The following INO80D variants were observed in gnomAD, a reference collection of about 807,000 sequenced individuals.
The protein encoded by INO80D is INO80 complex subunit D.
INO80D carries 21 observed loss-of-function variants against 87.6 expected under a neutral mutation model. The ratio of observed to expected loss-of-function variants is 0.24; its 90% CI spans 0.17 to 0.35. INO80D has a LOEUF of 0.35. Ranked by LOEUF, INO80D falls within the 10% of genes least tolerant of loss-of-function variation. INO80D has a pLI of 1.00. For missense variants in INO80D, 982 were observed against 1,280.7 expected (o/e 0.77, Z 3.56); for synonymous variants, 440 against 491.0 (o/e 0.90, Z 1.37).
In INO80D at chr2:206,040,279, C is replaced by T. The variant is rs187382503; in HGVS notation, c.1073+6225G>A. Among the ~76,000 whole-genome samples the T allele has an allele frequency of 7.3e-3, 868 of 119,136 alleles. 12 individuals carry two copies. Among genetic ancestry groups the T allele is most frequent in the African/African-American group, 0.026 (823 of 31,688 alleles). 78.2% of individuals were successfully genotyped at this position (119,136 alleles called of 152,430 possible). ...CCAGCCTGGGTGACAGAGTGCGACT[C>T]TGTCTCAAAAAAAAAAAAAAAAAAA... On this transcript the variant is annotated intron_variant, in intron 5 of 10. Transcript: ENST00000403263.
rs1258859527 is a variant in INO80D at position 206,029,556 on chromosome 2, T to C, written c.1074-1221A>G. ...ACTATATATTCTCTTACTAATCTTCTACTATTCATTGCTGGGTTTCTCTTA... is the reference window on the plus strand; with the variant it reads ...ACTATATATTCTCTTACTAATCTTCCACTATTCATTGCTGGGTTTCTCTTA... On this transcript the variant is annotated intron_variant, in intron 5 of 10. Transcript: ENST00000403263. 2.6e-5 allele frequency among the ~76,000 whole-genome samples: 4 copies of C among 152,282 alleles called. No individual in the cohort carries two copies. In the South Asian group the frequency reaches 6.2e-4, roughly 24 times the overall value.
At position 206,017,765 on chromosome 2, in the gene INO80D, T is replaced by C. The variant is rs772466770; in HGVS notation, c.1457A>G (p.Lys486Arg). The C allele has an allele frequency of 8.7e-6, 14 of 1,613,644 alleles. No individual in the cohort carries two copies. In the South Asian group the frequency reaches 1.5e-4, roughly 18 times the overall value. The change falls in exon 8 of 11, where the codon AAG (lysine) becomes AGG (arginine). Residue 486 changes from lysine (K) to arginine (R), a missense_variant. Lys to Arg is a conservative substitution (Grantham distance 26, BLOSUM62 2). Coordinates refer to ENST00000403263, the MANE Select transcript of INO80D (RefSeq NM_017759.5). Reference sequence around the variant, plus strand: ...AGAGCACTGCTGTCCATCTGCAAACTTGGCTGTGCAACTTGAGAAGAGCTG... The same window carrying C: ...AGAGCACTGCTGTCCATCTGCAAACCTGGCTGTGCAACTTGAGAAGAGCTG... ...SQQLFSSCTA[K>R]FADGQQCSVP...
chr2:206,080,246 A>C (rs1020197101), intron 1 of INO80D, among the ~76,000 whole-genome samples: 3 of 152,182 alleles, frequency 2.0e-5, no homozygotes, highest in African/African-American at 7.2e-5. Flanking sequence ...CAGGACTCTA[A>C]AGTGAGCCTA....
In INO80D at chr2:206,063,289, A is replaced by C. The variant is rs142847158; in HGVS notation, c.-123-45T>G. ...CCTAGTTAACAAACAGAAATAAGCA[A>C]AGCTAGCTCACCCAGGAAGCAAAAT... is the stretch of plus-strand genomic sequence containing the variant. On this transcript the variant is annotated intron_variant, in intron 1 of 10. Transcript: ENST00000403263. The C allele has an allele frequency of 6.4e-4, 336 of 523,886 alleles. 2 individuals are homozygous for C. Among genetic ancestry groups the C allele is most frequent in the African/African-American group, 4.9e-3 (246 of 50,056 alleles). The allele number at this position is 523,886 out of a possible 1,614,324, so 32.5% of individuals were successfully genotyped here.
chr2:206,010,254 G>A (rs189846223), intron 8 of INO80D, among the ~76,000 whole-genome samples: 111 of 151,270 alleles, frequency 7.3e-4, no homozygotes, highest in African/African-American at 2.5e-3. Context: ...CTGAAGAACC[G>A]ACCACAATTC....
In INO80D at chr2:206,083,302, A is replaced by G. The variant is rs567914788; in HGVS notation, c.-124+2599T>C. Among the ~76,000 whole-genome samples the G allele has an allele frequency of 5.9e-5, 9 of 152,320 alleles. No individual in the cohort carries two copies. The South Asian group carries it at 8.3e-4, about 14-fold the overall frequency. On this transcript the variant is annotated intron_variant, in intron 1 of 10. Transcript: ENST00000403263. The stretch of plus-strand genomic sequence containing the variant: ...TCAACAATATACCTTTAAAATATCA[A>G]ATTATAAGGCAATAACAATTTTTTT...
intron 4 of INO80D, among the ~76,000 whole-genome samples, chr2:206,055,572 T>G (rs1313773382): frequency 6.6e-6 from 1 of 152,222 alleles, no homozygotes; most frequent in African/African-American, 2.4e-5. Context: ...CATAAAAGCA[T>G]ACAACCAAAC....
chr2:206,055,875 G>A (rs72946437), intron 4 of INO80D, among the ~76,000 whole-genome samples: 29,805 of 152,092 alleles, frequency 0.2, 3,386 homozygotes, highest in Non-Finnish European at 0.27. Context: ...GGTATTATAC[G>A]TAATCTAGAG....
At position 206,005,017 on chromosome 2, in the gene INO80D, G is replaced by T. The variant is rs1336364798; in HGVS notation, c.2435C>A (p.Ser812Ter). 4 of 1,614,000 alleles carry T rather than the reference G, an allele frequency of 2.5e-6. No individual in the cohort carries two copies. The stretch of plus-strand genomic sequence containing the variant: ...GTGATCACTGCTGTATTGCTGTCGT[G>T]AGGTGATTAGGTCATCTGCCTTGCT... ...LLSKADDLITSRQQYSSDHSH... is the reference protein window; with the variant it reads ...LLSKADDLIT The change falls in exon 11 of 11, where the codon TCA becomes TAA. Residue 812 changes from serine to a stop codon, truncating the protein, a stop_gained. Coordinates refer to ENST00000403263, the MANE Select transcript of INO80D (RefSeq NM_017759.5). LOFTEE classifies it high-confidence loss of function.
At chr2:206,068,861 T>C (rs1418116105) in intron 1 of INO80D, among the ~76,000 whole-genome samples, 1 of 151,732 alleles carries the variant, frequency 6.6e-6, no homozygotes, top group East Asian at 1.9e-4. Context: ...CACTACACAG[T>C]GCTAATTTTC....
At chr2:206,026,540 C>T (rs745937653) in intron 6 of INO80D, among the ~76,000 whole-genome samples, 3 of 147,234 alleles carry the variant, frequency 2.0e-5, no homozygotes, top group Non-Finnish European at 4.5e-5. Flanking sequence ...GGCAAGGCTC[C>T]GTCTCAAAAA....
Position 206,046,515 on chromosome 2 carries a change from A to G in INO80D, c.1062T>C (p.Tyr354=). 1 of 1,603,466 alleles carries G rather than the reference A, an allele frequency of 6.2e-7. No individual in the cohort carries two copies. The highest frequency in any genetic ancestry group is 8.5e-7 in the Non-Finnish European group (1 of 1,170,596). The change falls in exon 5 of 11, where the codon TAT becomes TAC. Residue 354 remains tyrosine (Y), a synonymous_variant. Coordinates refer to ENST00000403263, the MANE Select transcript of INO80D (RefSeq NM_017759.5). ...AACAGAAGACTTACGCATGTCTTTG[A>G]TATCTGAGGGTTTCCCGGATGGACC... The part of the protein sequence containing the change: ...VAWSIRETLR[Y]QRHASDDDDA...
At chr2:206,040,292 A>AC in intron 5 of INO80D, 2 of 153,748 alleles carry the variant, frequency 1.3e-5, no homozygotes, top group Non-Finnish European at 2.9e-5. Context: ...TCTCAAAAAA[A>AC]AAAAAAAAAA....
rs150793991 is a variant in INO80D at position 206,046,590 on chromosome 2, G to A, written c.987C>T (p.Ser329=). 267 of 1,613,276 alleles carry A rather than the reference G, an allele frequency of 1.7e-4. No individual in the cohort carries two copies. In the African/African-American group the frequency reaches 2.7e-3, roughly 16 times the overall value. Residue 329 remains serine (S), a synonymous_variant, in exon 5 of 11, where the codon AGC becomes AGT. Coordinates refer to ENST00000403263, the MANE Select transcript of INO80D (RefSeq NM_017759.5). ...PHLGLDWSEE[S]GEEPEDSEQA... ...GCTCTGAGTCCTCTGGTTCCTCTCCGCTCTCTTCAGACCAGTCCAAACCTG... is the reference window on the plus strand; with the variant it reads ...GCTCTGAGTCCTCTGGTTCCTCTCCACTCTCTTCAGACCAGTCCAAACCTG...
At chr2:206,045,785 T>TA (rs767855237) in intron 5 of INO80D, among the ~76,000 whole-genome samples, 1 of 150,932 alleles carries the variant, frequency 6.6e-6, no homozygotes, top group Admixed American at 6.6e-5. Context: ...AGAGGTGAAG[T>TA]AAAAAAGCAC....
intron 8 of INO80D, 51 bp downstream of exon 8, chr2:206,017,628 TC>T: frequency 2.8e-6 from 4 of 1,427,934 alleles, no homozygotes; most frequent in Non-Finnish European, 3.7e-6. Flanking sequence ...ATAAAATACT[TC>T]CTACAGTGGA....
intron 5 of INO80D, among the ~76,000 whole-genome samples, chr2:206,034,300 C>T (rs1319680522): frequency 6.6e-6 from 1 of 152,036 alleles, no homozygotes; most frequent in Non-Finnish European, 1.5e-5. Flanking sequence ...AAAAAGAAAA[C>T]CACAGACCGA....
At chr2:206,028,839 T>C (rs1688687138) in intron 5 of INO80D, among the ~76,000 whole-genome samples, 1 of 152,120 alleles carries the variant, frequency 6.6e-6, no homozygotes, top group Non-Finnish European at 1.5e-5. Flanking sequence ...CCTAAAGAAA[T>C]TTGGTTGTAG....
intron 5 of INO80D, among the ~76,000 whole-genome samples, chr2:206,032,224 C>T (rs1180027083): frequency 1.3e-5 from 2 of 152,204 alleles, no homozygotes; most frequent in Non-Finnish European, 1.5e-5. Flanking sequence ...TCTGTGCAGA[C>T]TCCACAGGTG....
Sources: allele counts gnomAD v4.1 joint callset (sites outside exome capture counted in the v4.1 genomes callset), GRCh38; gene constraint gnomAD v4.1.1; transcripts MANE v1.5; gene names NCBI Gene and HGNC (gene_info 2026-07-23, HGNC 2026-07-21).